The following FHDC1 variants were observed in gnomAD, a reference collection of about 807,000 sequenced individuals.
FHDC1 encodes FH2 domain containing 1.
Under a neutral mutation model 52.6 loss-of-function variants are expected in FHDC1, and 25 were observed. That is an observed-to-expected ratio of 0.48 (90% CI 0.35 to 0.66). The LOEUF (loss-of-function observed/expected upper bound fraction) is 0.66. Among genes scored for constraint, FHDC1 ranks in the 30% least tolerant of loss-of-function variants. The probability of loss-of-function intolerance (pLI) is 0.01; values close to 1 mark genes in which losing one functional copy is unlikely to be tolerated. For missense variants in FHDC1, 1,459 were observed against 1,452.8 expected (o/e 1.00, Z -0.07); for synonymous variants, 616 against 581.5 (o/e 1.06, Z -0.85).
chr4:152,914,791 G>A, the FHDC1 span, among the ~76,000 whole-genome samples: 1 of 152,082 alleles, frequency 6.6e-6, no homozygotes, highest in African/African-American at 2.4e-5. Flanking sequence ...ACATCTAGCT[G>A]GTATAGGGCA....
In FHDC1 at chr4:152,975,115, G is replaced by A. The variant is rs779160224; in HGVS notation, c.1824G>A (p.Gln608=). Residue 608 remains glutamine, a synonymous_variant, in exon 12 of 12, where the codon CAG becomes CAA. Coordinates refer to ENST00000511601, the MANE Select transcript of FHDC1 (RefSeq NM_001371116.1). ...FAHKPQASGG[Q]EEAPNPPSAQ... is the part of the protein sequence containing the mutation. ...ACAAACCTCAGGCCTCGGGGGGCCA[G>A]GAGGAGGCCCCCAACCCACCCTCAG... 7 of 1,612,602 alleles carry A rather than the reference G, an allele frequency of 4.3e-6. No individual in the cohort carries two copies. The highest frequency in any genetic ancestry group is 4.5e-5 in the East Asian group (2 of 44,884).
chr4:152,943,310 A>C lies in FHDC1; in HGVS notation c.253A>C (p.Met85Leu), dbSNP rs1739632924. Residue 85 changes from methionine (M) to leucine (L), a missense_variant, in exon 2 of 12, where the codon ATG becomes CTG. Met to Leu is a conservative substitution (Grantham distance 15, BLOSUM62 2). Around this residue, in one of 3 missense-constraint regions of FHDC1, gnomAD observed 513 missense variants for 581.5 expected, o/e 0.88. Transcript: ENST00000511601. ...PPPGLPPTTH[M>L]NGYSHLGKKK... ...ACCAGGCCTACCCCCAACTACTCAC[A>C]TGAACGGCTACAGCCACCTTGGTAA... 6.4e-7 allele frequency: 1 copy of C among 1,566,052 alleles called. No homozygotes were observed. The highest frequency in any genetic ancestry group is 8.6e-7 in the Non-Finnish European group (1 of 1,157,408).
At chr4:152,945,040 C>T (rs1326947858) in intron 2 of FHDC1, among the ~76,000 whole-genome samples, 1 of 152,172 alleles carries the variant, frequency 6.6e-6, no homozygotes, top group African/African-American at 2.4e-5. Context: ...CTCAGCAGAG[C>T]ACCTGTAATA....
chr4:152,960,692 A>G lies in FHDC1; in HGVS notation c.749+42A>G. 1.2e-6 allele frequency: 2 copies of G among 1,612,090 alleles called. 1 individual carries two copies. Among genetic ancestry groups the G allele is most frequent in the South Asian group, 2.2e-5 (2 of 90,490 alleles). On this transcript the variant is annotated intron_variant, in intron 5 of 11. Coordinates refer to ENST00000511601, the MANE Select transcript of FHDC1 (RefSeq NM_001371116.1). ...TGGTTATTATTCTTCACGCAGTAAG[A>G]TTTTTAAACTAATGACATCAAATTC... is the stretch of plus-strand genomic sequence containing the variant.
At chr4:152,955,190 T>C (rs1740047401) in intron 4 of FHDC1, among the ~76,000 whole-genome samples, 2 of 152,206 alleles carry the variant, frequency 1.3e-5, no homozygotes, top group South Asian at 2.1e-4. Flanking sequence ...AAATCTTGTC[T>C]ACATAATTAA....
the FHDC1 span, among the ~76,000 whole-genome samples, chr4:152,926,400 C>T: frequency 7.4e-3 from 1,121 of 151,606 alleles, 6 homozygotes; most frequent in Non-Finnish European, 0.012. Context: ...AATCTCATTT[C>T]CATATTTTAG....
At chr4:152,914,758 T>G in the FHDC1 span, among the ~76,000 whole-genome samples, 1 of 152,214 alleles carries the variant, frequency 6.6e-6, no homozygotes, top group Non-Finnish European at 1.5e-5. Context: ...TATGTTCATA[T>G]AAATAACTTA....
intron 1 of FHDC1, among the ~76,000 whole-genome samples, chr4:152,937,823 C>T (rs1028876050): frequency 1.4e-4 from 22 of 152,150 alleles, no homozygotes; most frequent in Non-Finnish European, 1.5e-5. Context: ...AGTTTGCTGA[C>T]CCCAGCGCGG....
At chr4:152,967,307 A>T (rs150471805) in intron 9 of FHDC1, among the ~76,000 whole-genome samples, 198 of 152,192 alleles carry the variant, frequency 1.3e-3, no homozygotes, top group African/African-American at 4.7e-3. Flanking sequence ...CATGCCTATA[A>T]TCCCAACTAC....
At chr4:152,918,620 A>C in the FHDC1 span, among the ~76,000 whole-genome samples, 1 of 152,370 alleles carries the variant, frequency 6.6e-6, no homozygotes, top group Admixed American at 6.5e-5. Context: ...TTCTGAAGAA[A>C]GAACTCAATC....
At chr4:152,918,017 G>C in the FHDC1 span, among the ~76,000 whole-genome samples, 1 of 152,170 alleles carries the variant, frequency 6.6e-6, no homozygotes, top group South Asian at 2.1e-4. Flanking sequence ...AACTCACAAG[G>C]GAAAGGCAAG....
chr4:152,919,640 G>A, the FHDC1 span, among the ~76,000 whole-genome samples: 139 of 152,294 alleles, frequency 9.1e-4, 1 homozygote, highest in African/African-American at 3.2e-3. Context: ...AGTAGCACTA[G>A]AATATATTTG....
At chr4:152,913,498 A>C in the FHDC1 span, among the ~76,000 whole-genome samples, 1 of 152,236 alleles carries the variant, frequency 6.6e-6, no homozygotes, top group African/African-American at 2.4e-5. Context: ...TTGAAAAATA[A>C]AAGTAAATTA....
chr4:152,968,070 T>C lies in FHDC1; in HGVS notation c.1191T>C (p.Leu397=). 1 of 1,613,712 alleles carries C rather than the reference T, an allele frequency of 6.2e-7. No individual in the cohort carries two copies. The highest frequency in any genetic ancestry group is 8.5e-7 in the Non-Finnish European group (1 of 1,179,798). ...LKENIQRDGE[L]CQQMEDFLQF... ...AAAACATCCAGCGGGATGGTGAACT[T>C]TGTCAGCAGATGGAAGATTTTCTTC... Residue 397 remains leucine, a synonymous_variant, in exon 10 of 12, where the codon CTT becomes CTC. Coordinates refer to ENST00000511601, the MANE Select transcript of FHDC1 (RefSeq NM_001371116.1).
rs769699438 is a variant in FHDC1, at chr4:152,943,133, A to C, written c.76A>C (p.Ile26Leu). 1.9e-6 allele frequency: 3 copies of C among 1,614,060 alleles called. No individual in the cohort carries two copies. In the South Asian group the frequency reaches 3.3e-5, roughly 18 times the overall value. Residue 26 changes from isoleucine (I) to leucine (L), a missense_variant, in exon 2 of 12, where the codon ATT becomes CTT. Transcript: ENST00000511601. ...TATTGCCACAGCACCTGGATTCATG[A>C]TTGGGCAGACACCTCCTCCAGCACC... is the stretch of plus-strand genomic sequence containing the variant. ...GNIATAPGFMIGQTPPPAPPP... is the reference protein window; with the variant it reads ...GNIATAPGFMLGQTPPPAPPP...
At chr4:152,933,824 G>T (rs1164534459), upstream of FHDC1, among the ~76,000 whole-genome samples, 1 of 151,980 alleles carries the variant, frequency 6.6e-6, no homozygotes, top group Non-Finnish European at 1.5e-5. Flanking sequence ...ATCCAATTGT[G>T]GGAGATAAAC....
Position 152,960,862 on chromosome 4 carries a change from C to A in FHDC1, c.850+18C>A. Reference sequence around the variant, plus strand: ...TATAAAAGGTGAGTCAACATATGATCCTTCGCAGAATTTGTTTTTATTAAT... The same window carrying A: ...TATAAAAGGTGAGTCAACATATGATACTTCGCAGAATTTGTTTTTATTAAT... On this transcript the variant is annotated intron_variant, in intron 6 of 11. Transcript: ENST00000511601. 2 of 1,517,826 alleles carry A rather than the reference C, an allele frequency of 1.3e-6. No individual in the cohort carries two copies. Among genetic ancestry groups the A allele is most frequent in the Non-Finnish European group, 1.8e-6 (2 of 1,126,918 alleles). 94.0% of individuals were successfully genotyped at this position (1,517,826 alleles called of 1,614,324 possible).
chr4:152,928,145 A>T, the FHDC1 span: 2 of 853,760 alleles, frequency 2.3e-6, no homozygotes, highest in Non-Finnish European at 4.1e-6. Flanking sequence ...TGAAGGCACC[A>T]TCAATGCCAC....
At chr4:152,965,025 A>G (rs1740416438) in intron 9 of FHDC1, 50 bp downstream of exon 9, 2 of 1,504,774 alleles carry the variant, frequency 1.3e-6, no homozygotes, top group Middle Eastern at 4.2e-4. Context: ...TTTTATGAAA[A>G]CTGATAAATA....
Sources: allele counts gnomAD v4.1 joint callset (sites outside exome capture counted in the v4.1 genomes callset), GRCh38; gene constraint gnomAD v4.1.1; regional missense constraint gnomAD v4.1.1; transcripts MANE v1.5; gene names NCBI Gene and HGNC (gene_info 2026-07-23, HGNC 2026-07-21).